SPIDR: variants seen among roughly 807,000 people sequenced by gnomAD.
SPIDR encodes DNA repair-scaffolding protein.
SPIDR carries 93 observed loss-of-function variants against 104.6 expected under a neutral mutation model. That is an observed-to-expected ratio of 0.89 (90% CI 0.75 to 1.06). SPIDR has a LOEUF of 1.06. Among genes scored for constraint, SPIDR ranks in the 50% least tolerant of loss-of-function variants. The probability of loss-of-function intolerance (pLI) is 0.00; values close to 1 mark genes in which losing one functional copy is unlikely to be tolerated. For missense variants in SPIDR, 1,154 were observed against 1,111.2 expected (o/e 1.04, Z -0.55); for synonymous variants, 431 against 416.9 (o/e 1.03, Z -0.41).
intron 10 of SPIDR, among the ~76,000 whole-genome samples, chr8:47,661,982 G>C (rs2074190610): frequency 1.3e-5 from 2 of 152,270 alleles, no homozygotes; most frequent in African/African-American, 4.8e-5. Context: ...CGAGTCACTT[G>C]AGCAGCCTCT....
chr8:47,373,525 C>CT (rs1319574108), intron 5 of SPIDR, among the ~76,000 whole-genome samples: 3 of 151,136 alleles, frequency 2.0e-5, no homozygotes, highest in East Asian at 1.9e-4. Context: ...TGTTATTATA[C>CT]TTTAAGTTCT....
At chr8:47,315,092 A>G (rs935186601) in intron 5 of SPIDR, among the ~76,000 whole-genome samples, 1 of 152,210 alleles carries the variant, frequency 6.6e-6, no homozygotes, top group Non-Finnish European at 1.5e-5. Context: ...ATAAATTTGT[A>G]TATACCTAAT....
At chr8:47,428,793 C>T (rs1554686984) in intron 7 of SPIDR, among the ~76,000 whole-genome samples, 3 of 152,162 alleles carry the variant, frequency 2.0e-5, no homozygotes, top group South Asian at 2.1e-4. Context: ...GCCCACTCAG[C>T]GTGGGTCAGC....
chr8:47,722,732 G>A lies in SPIDR; in HGVS notation c.2342-4468G>A, dbSNP rs182196840. Among the ~76,000 whole-genome samples, 12 of 151,838 alleles carry A rather than the reference G, an allele frequency of 7.9e-5. No individual in the cohort carries two copies. The East Asian group carries it at 1.5e-3, about 20-fold the overall frequency. ...TATACAAGTTGAGTATCCCATATCC[G>A]AAATGCTTGGAACCAGAAATGTTTT... On this transcript the variant is annotated intron_variant, in intron 16 of 19. Transcript: ENST00000297423.
At chr8:47,365,322 G>T (rs144018063) in intron 5 of SPIDR, among the ~76,000 whole-genome samples, 2 of 152,146 alleles carry the variant, frequency 1.3e-5, no homozygotes. Flanking sequence ...CATCATTATT[G>T]TGTTCTTCCA....
intron 8 of SPIDR, among the ~76,000 whole-genome samples, chr8:47,583,527 A>G (rs1414135816): frequency 1.3e-5 from 2 of 152,180 alleles, no homozygotes; most frequent in Non-Finnish European, 1.5e-5. Context: ...ATTTGTGACA[A>G]TGAGATCTGT....
chr8:47,541,806 G>A (rs1401650112), intron 8 of SPIDR, among the ~76,000 whole-genome samples: 1 of 152,034 alleles, frequency 6.6e-6, no homozygotes, highest in African/African-American at 2.4e-5. Flanking sequence ...GGCTGAGGTG[G>A]GAGAATTGCT....
chr8:47,453,906 A>G (rs13259913), intron 8 of SPIDR, among the ~76,000 whole-genome samples: 1 of 152,156 alleles, frequency 6.6e-6, no homozygotes, highest in Admixed American at 6.5e-5. Context: ...TATCAGAGAA[A>G]TGCAAATCAA....
chr8:47,555,150 T>C (rs2091168608), intron 8 of SPIDR, among the ~76,000 whole-genome samples: 1 of 152,170 alleles, frequency 6.6e-6, no homozygotes, highest in South Asian at 2.1e-4. Context: ...GTACTTATGA[T>C]CATTATTTGA....
At chr8:47,538,477 G>T (rs910872619) in intron 8 of SPIDR, among the ~76,000 whole-genome samples, 22 of 152,144 alleles carry the variant, frequency 1.4e-4, no homozygotes, top group Admixed American at 1.4e-3. Flanking sequence ...CTGGGAGGTG[G>T]AGGTTGCAAT....
chr8:47,270,759 A>G (rs2035143053), intron 1 of SPIDR, among the ~76,000 whole-genome samples: 1 of 151,904 alleles, frequency 6.6e-6, no homozygotes, highest in Admixed American at 6.6e-5. Flanking sequence ...TTTAGTGTAT[A>G]TTGTTTTCAT....
intron 10 of SPIDR, among the ~76,000 whole-genome samples, chr8:47,612,887 A>G (rs569328216): frequency 6.8e-4 from 103 of 152,356 alleles, no homozygotes; most frequent in African/African-American, 1.9e-3. Context: ...GACTGTTTCC[A>G]GTCACTGCCG....
chr8:47,523,881 TC>T (rs1456129416), intron 8 of SPIDR, among the ~76,000 whole-genome samples: 1 of 152,230 alleles, frequency 6.6e-6, no homozygotes, highest in African/African-American at 2.4e-5. Flanking sequence ...TTTGAAGTCT[TC>T]CCACAGAACT....
At chr8:47,367,954 G>A (rs117952998) in intron 5 of SPIDR, among the ~76,000 whole-genome samples, 4,421 of 152,256 alleles carry the variant, frequency 0.029, 90 homozygotes, top group South Asian at 0.046. Flanking sequence ...GTCCACTGGG[G>A]CTGCTGTACC....
chr8:47,622,111 G>A (rs2065248050), intron 10 of SPIDR, among the ~76,000 whole-genome samples: 2 of 152,152 alleles, frequency 1.3e-5, no homozygotes, highest in African/African-American at 2.4e-5. Flanking sequence ...GAGCTTGAAT[G>A]TCCAGGGCGA....
intron 8 of SPIDR, among the ~76,000 whole-genome samples, chr8:47,590,173 C>CA (rs59910930): frequency 0.044 from 4,405 of 100,418 alleles, 201 homozygotes; most frequent in African/African-American, 0.14. Context: ...GACTCTGTCT[C>CA]AAAAAAAAAA....
chr8:47,505,450 A>G (rs2081322809), intron 8 of SPIDR, among the ~76,000 whole-genome samples: 1 of 152,102 alleles, frequency 6.6e-6, no homozygotes, highest in Admixed American at 6.5e-5. Context: ...GCGGGATATA[A>G]TCTCCTGGTG....
chr8:47,525,853 C>G (rs1461023834), intron 8 of SPIDR, among the ~76,000 whole-genome samples: 4 of 151,802 alleles, frequency 2.6e-5, no homozygotes, highest in African/African-American at 4.8e-5. Context: ...ACTGAGTTGT[C>G]CTGAGAGAAC....
At chr8:47,337,987 T>C (rs2050083396) in intron 5 of SPIDR, among the ~76,000 whole-genome samples, 1 of 152,242 alleles carries the variant, frequency 6.6e-6, no homozygotes, top group African/African-American at 2.4e-5. Context: ...AATGTAATTT[T>C]ATAATAGGTT....
Sources: gnomAD v4.1 joint callset for allele counts (sites outside exome capture counted in the v4.1 genomes callset) on GRCh38, gnomAD v4.1.1 for gene constraint, MANE v1.5 for transcripts, NCBI Gene and HGNC (gene_info 2026-07-23, HGNC 2026-07-21) for gene names.